CUX2: variants seen among roughly 807,000 people sequenced by gnomAD.
The protein encoded by CUX2 is homeobox protein cut-like 2.
CUX2 carries 40 observed loss-of-function variants against 144.8 expected under a neutral mutation model. The ratio of observed to expected loss-of-function variants is 0.28; its 90% CI spans 0.21 to 0.36. The LOEUF is 0.36. CUX2 is among the 10% of genes least tolerant of loss of function. The probability of loss-of-function intolerance (pLI) is 1.00; values close to 1 mark genes in which losing one functional copy is unlikely to be tolerated. For synonymous variants in CUX2, 827 were observed against 875.6 expected (o/e 0.94, Z 0.98); for missense variants, 1,615 against 1,994.0 (o/e 0.81, Z 3.62).
intron 3 of CUX2, among the ~76,000 whole-genome samples, chr12:111,262,573 CT>C (rs1884180640): frequency 6.6e-6 from 1 of 151,852 alleles, no homozygotes; most frequent in African/African-American, 2.4e-5. Context: ...GAAACAGGGT[CT>C]CACTATGTTG....
intron 18 of CUX2, among the ~76,000 whole-genome samples, chr12:111,328,579 T>TG (rs1282073784): frequency 1.6e-4 from 21 of 134,264 alleles, no homozygotes; most frequent in Admixed American, 8.7e-4. Context: ...TCCAATTTCT[T>TG]TTGTGTGTGT....
intron 18 of CUX2, among the ~76,000 whole-genome samples, chr12:111,328,722 C>T (rs1887939654): frequency 1.3e-5 from 2 of 151,764 alleles, no homozygotes; most frequent in African/African-American, 4.8e-5. Context: ...GCCTCAGTCT[C>T]CGAAGTAGCT....
intron 19 of CUX2, among the ~76,000 whole-genome samples, chr12:111,336,120 A>G (rs1888337999): frequency 6.6e-6 from 1 of 152,150 alleles, no homozygotes; most frequent in Non-Finnish European, 1.5e-5. Flanking sequence ...GGAGAACCCC[A>G]GTCACTGCGG....
chr12:111,060,286 C>T (rs1263553820), intron 1 of CUX2, among the ~76,000 whole-genome samples: 2 of 152,184 alleles, frequency 1.3e-5, no homozygotes, highest in Non-Finnish European at 2.9e-5. Flanking sequence ...AATTATTACC[C>T]AGCCCTCAAA....
chr12:111,120,402 C>T (rs1874574783), intron 1 of CUX2, among the ~76,000 whole-genome samples: 1 of 152,128 alleles, frequency 6.6e-6, no homozygotes, highest in South Asian at 2.1e-4. Context: ...ATCACGTCTC[C>T]TTCCCCTTAA....
Position 111,310,390 on chromosome 12 carries a change from G to T in CUX2, c.1608G>T (p.Ala536=). The T allele has an allele frequency of 6.2e-7, 1 of 1,606,156 alleles. No individual in the cohort carries two copies. The highest frequency in any genetic ancestry group is 8.5e-7 in the Non-Finnish European group (1 of 1,175,510). The stretch of plus-strand genomic sequence containing the variant: ...AGCCACTGGGCGGTCCTGAGCCCGC[G>T]GATGGTGGTGGGGGCGGAGCGGCGG... ...GPEPLGGPEP[A]DGGGGGAAGP... Residue 536 remains alanine, a synonymous_variant, in exon 15 of 22, where the codon GCG becomes GCT. Coordinates refer to ENST00000261726, the MANE Select transcript of CUX2 (RefSeq NM_015267.4). This position sits in a 1 kb window ranked among gnomAD's most constrained non-coding sequence, Gnocchi z 7.9.
chr12:111,114,138 G>C (rs186407113), intron 1 of CUX2, among the ~76,000 whole-genome samples: 1 of 152,154 alleles, frequency 6.6e-6, no homozygotes, highest in Non-Finnish European at 1.5e-5. Flanking sequence ...ATAAGTGCAT[G>C]TTTAACTTTT....
intron 4 of CUX2, 113 bp from the exon 5 acceptor site, chr12:111,291,305 G>A: frequency 7.5e-7 from 1 of 1,326,654 alleles, no homozygotes; most frequent in South Asian, 1.6e-5. Context: ...CTTCCTGTAA[G>A]CCAGCGGGGT....
chr12:111,180,096 A>C, intron 1 of CUX2, among the ~76,000 whole-genome samples: 5 of 135,934 alleles, frequency 3.7e-5, no homozygotes, highest in South Asian at 2.6e-4. Flanking sequence ...GGGCCCCCTG[A>C]CCCCACCCTC....
In CUX2 at chr12:111,217,934, C is replaced by T. The variant is rs1230097568; in HGVS notation, c.219C>T (p.Ala73=). 5.6e-6 allele frequency: 9 copies of T among 1,613,770 alleles called. No individual in the cohort carries two copies. The highest frequency in any genetic ancestry group is 2.2e-5 in the East Asian group (1 of 44,890). The change falls in exon 3 of 22, where the codon GCC becomes GCT. Residue 73 remains alanine, a synonymous_variant. Transcript: ENST00000261726. ...MVAPVLKSFQ[A]EVVALSKRSQ... is the part of the protein sequence containing the mutation. ...CTCCTGTATTAAAAAGCTTCCAAGC[C>T]GAGGTAAGACCCAGGGCCCACAGCA...
intron 1 of CUX2, among the ~76,000 whole-genome samples, chr12:111,212,773 G>C (rs895892752): frequency 2.6e-5 from 4 of 152,194 alleles, no homozygotes; most frequent in Non-Finnish European, 4.4e-5. Context: ...GAAATCCATA[G>C]GTCAGGGACA....
intron 4 of CUX2, among the ~76,000 whole-genome samples, chr12:111,271,206 C>T (rs1884633142): frequency 6.6e-6 from 1 of 152,106 alleles, no homozygotes; most frequent in African/African-American, 2.4e-5. Context: ...TGCTCTACAA[C>T]GTTTAAAATT....
At chr12:111,244,033 C>T (rs115004764) in intron 3 of CUX2, among the ~76,000 whole-genome samples, 2,349 of 152,190 alleles carry the variant, frequency 0.015, 59 homozygotes, top group African/African-American at 0.054. Context: ...ATTCATTATC[C>T]CAGGAGTTTG....
chr12:111,229,351 C>A (rs1177004962), intron 3 of CUX2, among the ~76,000 whole-genome samples: 1 of 152,148 alleles, frequency 6.6e-6, no homozygotes, highest in Non-Finnish European at 1.5e-5. Flanking sequence ...ATGTGGGTGT[C>A]CTCTCTGAGG....
intron 1 of CUX2, among the ~76,000 whole-genome samples, chr12:111,119,922 G>A (rs12315463): frequency 6.6e-6 from 1 of 152,144 alleles, no homozygotes; most frequent in Non-Finnish European, 1.5e-5. Flanking sequence ...GCCAGGCATG[G>A]TGGCACGCGC....
intron 4 of CUX2, among the ~76,000 whole-genome samples, chr12:111,271,729 A>G (rs1283292175): frequency 1.3e-5 from 2 of 152,234 alleles, no homozygotes; most frequent in Non-Finnish European, 2.9e-5. Context: ...ATATCTTTTC[A>G]TATGTTATAA....
chr12:111,059,099 G>C lies in CUX2; in HGVS notation c.63+24859G>C, dbSNP rs778543945. ...CTTAACCGTAAACATCTAGAGGCTC[G>C]GAATGCTGAACTTTCTGAGGATGCA... On this transcript the variant is annotated intron_variant, in intron 1 of 21. Coordinates refer to ENST00000261726, the MANE Select transcript of CUX2 (RefSeq NM_015267.4). This position sits in a 1 kb window ranked among gnomAD's most constrained non-coding sequence, Gnocchi z 5.3. Among the ~76,000 whole-genome samples, 1 of 152,176 alleles carries C rather than the reference G, an allele frequency of 6.6e-6. No individual in the cohort carries two copies. The highest frequency in any genetic ancestry group is 1.5e-5 in the Non-Finnish European group (1 of 68,038).
At chr12:111,311,329 C>G (rs147299729) in intron 15 of CUX2, among the ~76,000 whole-genome samples, 1 of 152,188 alleles carries the variant, frequency 6.6e-6, no homozygotes, top group East Asian at 1.9e-4. Flanking sequence ...ACTCTGTCAC[C>G]CAGGCTGGAG....
At chr12:111,093,733 G>A (rs1471589999) in intron 1 of CUX2, among the ~76,000 whole-genome samples, 2 of 152,218 alleles carry the variant, frequency 1.3e-5, no homozygotes, top group Admixed American at 1.3e-4. Context: ...ATTTTAAGCT[G>A]CAGGATGAAA....
Sources: gnomAD v4.1 joint callset for allele counts (sites outside exome capture counted in the v4.1 genomes callset) on GRCh38, gnomAD v4.1.1 for gene constraint, Gnocchi (gnomAD v3.1) non-coding constraint, MANE v1.5 for transcripts, NCBI Gene and HGNC (gene_info 2026-07-23, HGNC 2026-07-21) for gene names.